The following KLF9 variants were observed in gnomAD, a reference collection of about 807,000 sequenced individuals.
KLF9 encodes Krueppel-like factor 9.
A neutral mutation model predicts 17.3 loss-of-function variants in KLF9; 2 were observed. The observed-to-expected ratio is 0.12, with a 90% CI of 0.05 to 0.36. KLF9 has a LOEUF of 0.36. Among genes scored for constraint, KLF9 ranks in the 10% least tolerant of loss-of-function variants. The pLI, the probability that KLF9 is intolerant of heterozygous loss-of-function variation, is 1.00. For missense variants in KLF9, 226 were observed against 333.2 expected, an observed-to-expected ratio of 0.68 and a Z score of 2.51; for synonymous variants, 138 against 139.2, an observed-to-expected ratio of 0.99 and a Z score of 0.06.
chr9:70,408,462 C>A (rs1587743059), intron 1 of KLF9, among the ~76,000 whole-genome samples: 1 of 152,228 alleles, frequency 6.6e-6, no homozygotes, highest in Middle Eastern at 3.4e-3. Context: ...GAGAATGTGT[C>A]CCTAAGGATC....
At chr9:70,394,478 A>G (rs73649112) in intron 1 of KLF9, among the ~76,000 whole-genome samples, 3,678 of 152,280 alleles carry the variant, frequency 0.024, 127 homozygotes, top group African/African-American at 0.084. Flanking sequence ...CAAGGTCAAC[A>G]GTAAAATAAA....
chr9:70,398,016 A>G (rs979636849), intron 1 of KLF9, among the ~76,000 whole-genome samples: 1 of 152,234 alleles, frequency 6.6e-6, no homozygotes, highest in Non-Finnish European at 1.5e-5. Context: ...CACTGAACTC[A>G]AAAATCATTC....
intron 1 of KLF9, among the ~76,000 whole-genome samples, chr9:70,402,765 A>C (rs2037230617): frequency 6.6e-6 from 1 of 152,176 alleles, no homozygotes; most frequent in Non-Finnish European, 1.5e-5. Flanking sequence ...TCCCACCAAA[A>C]GGAAGAAAAA....
At chr9:70,396,432 G>A (rs2037182152) in intron 1 of KLF9, among the ~76,000 whole-genome samples, 2 of 152,136 alleles carry the variant, frequency 1.3e-5, no homozygotes, top group Admixed American at 1.3e-4. Context: ...TAACTGAGAA[G>A]AACAATGTAT....
chr9:70,408,978 T>G, intron 1 of KLF9, among the ~76,000 whole-genome samples: 1 of 128,608 alleles, frequency 7.8e-6, no homozygotes. Context: ...TGAGCCTCCT[T>G]TTGCACTATA....
At chr9:70,398,489 A>AT (rs397969034) in intron 1 of KLF9, among the ~76,000 whole-genome samples, 4,361 of 143,354 alleles carry the variant, frequency 0.03, 175 homozygotes, top group African/African-American at 0.097. Flanking sequence ...AGATAACAGA[A>AT]TTTTTTTTTT....
In KLF9 at chr9:70,386,551, T is replaced by A. The variant is rs1025200909; in HGVS notation, c.*1225A>T. On this transcript the variant is annotated 3_prime_UTR_variant, in exon 2 of 2. Transcript: ENST00000377126. Reference sequence around the variant, plus strand: ...AGCTCCCTTTCCTTCTACATAACTCTTGCACCTGAGAGTGGGAGTTTTGTA... The same window carrying A: ...AGCTCCCTTTCCTTCTACATAACTCATGCACCTGAGAGTGGGAGTTTTGTA... 1.3e-5 allele frequency: 2 copies of A among 152,630 alleles called. No homozygotes were observed. Among genetic ancestry groups the A allele is most frequent in the Non-Finnish European group, 2.9e-5 (2 of 68,046 alleles). The allele number at this position is 152,630 out of a possible 1,614,324, so 9.5% of individuals were successfully genotyped here. A position where few individuals can be genotyped will look rare whatever the true frequency, so the allele number is the denominator to read the frequency against.
At position 70,413,420 on chromosome 9, in the gene KLF9, T is replaced by A; in HGVS notation, c.-57A>T. 1 of 1,442,114 alleles carries A rather than the reference T, an allele frequency of 6.9e-7. No individual in the cohort carries two copies. Among genetic ancestry groups the A allele is most frequent in the Non-Finnish European group, 9.1e-7 (1 of 1,100,726 alleles). 89.3% of individuals were successfully genotyped at this position (1,442,114 alleles called of 1,614,324 possible). A position where few individuals can be genotyped will look rare whatever the true frequency, so the allele number is the denominator to read the frequency against. ...ACAAACTTGGCGGTGGCTGCGGAGG[T>A]TCGGCTCGCCCTGCCCTGGCCTCGG... On this transcript the variant is annotated 5_prime_UTR_variant, in exon 1 of 2. Transcript: ENST00000377126. This position sits in a 1 kb window ranked among gnomAD's most constrained non-coding sequence, Gnocchi z 5.6.
intron 1 of KLF9, among the ~76,000 whole-genome samples, chr9:70,405,320 C>G (rs916985522): frequency 1.3e-5 from 2 of 152,216 alleles, no homozygotes; most frequent in Non-Finnish European, 2.9e-5. Flanking sequence ...CATAACACCA[C>G]TGACTGCATT....
chr9:70,393,297 C>T lies in KLF9; in HGVS notation c.506-5292G>A, dbSNP rs142332720. On this transcript the variant is annotated intron_variant, in intron 1 of 1. Transcript: ENST00000377126. Reference sequence around the variant, plus strand: ...CTTGCTGCTTTTGAGAGGGAGCCTCCTCGACTGCTGATTAGTTGATGATGC... The same window carrying T: ...CTTGCTGCTTTTGAGAGGGAGCCTCTTCGACTGCTGATTAGTTGATGATGC... 5.9e-4 allele frequency among the ~76,000 whole-genome samples: 90 copies of T among 152,310 alleles called. No individual in the cohort carries two copies. The East Asian group carries it at 0.016, about 27-fold the overall frequency.
At chr9:70,398,516 T>C (rs1276634656) in intron 1 of KLF9, among the ~76,000 whole-genome samples, 1 of 147,550 alleles carries the variant, frequency 6.8e-6, no homozygotes, top group East Asian at 2.0e-4. Context: ...TGAGATGGAG[T>C]CTTGCTCTGT....
At chr9:70,397,860 CAGG>C (rs994834112) in intron 1 of KLF9, among the ~76,000 whole-genome samples, 13 of 152,170 alleles carry the variant, frequency 8.5e-5, no homozygotes, top group African/African-American at 3.1e-4. Context: ...TGTCAACATG[CAGG>C]TACGAAACAT....
Position 70,414,470 on chromosome 9 carries a change from A to G in KLF9, c.-1107T>C, listed in dbSNP as rs2037365126. On this transcript the variant is annotated 5_prime_UTR_variant, in exon 1 of 2. Transcript: ENST00000377126. ...CAATCACAAGGGCGTTCCGAAAGCA[A>G]GCGCTCGACACTTGTAAACGCGAAG... The G allele has an allele frequency of 6.6e-6, 1 of 152,236 alleles. No homozygotes were observed. Among genetic ancestry groups the G allele is most frequent in the African/African-American group, 2.4e-5 (1 of 41,454 alleles). 9.4% of individuals were successfully genotyped at this position (152,236 alleles called of 1,614,324 possible).
chr9:70,389,782 C>T (rs1229595235), intron 1 of KLF9, among the ~76,000 whole-genome samples: 1 of 152,186 alleles, frequency 6.6e-6, no homozygotes, highest in Non-Finnish European at 1.5e-5. Flanking sequence ...CTGCCATCGC[C>T]CTGGCTCCCA....
chr9:70,413,045 G>T lies in KLF9; in HGVS notation c.319C>A (p.Pro107Thr). The T allele has an allele frequency of 6.2e-7, 1 of 1,614,112 alleles. No individual in the cohort carries two copies. Among genetic ancestry groups the T allele is most frequent in the Non-Finnish European group, 8.5e-7 (1 of 1,179,970 alleles). ...SDVTTESGSS[P>T]SHSPEERQDP... ...TGTCTCTCCTCCGGGCTGTGGGAAG[G>T]ACTCGACCCAGATTCGGTGGTCACG... Residue 107 changes from proline (P) to threonine (T), a missense_variant, in exon 1 of 2, where the codon CCT (proline) becomes ACT (threonine). Coordinates refer to ENST00000377126, the MANE Select transcript of KLF9 (RefSeq NM_001206.4). The surrounding 1 kb of genome is among the most constrained non-coding windows in gnomAD (Gnocchi z 5.6).
intron 1 of KLF9, among the ~76,000 whole-genome samples, chr9:70,396,300 G>A (rs1245877599): frequency 6.6e-6 from 1 of 152,176 alleles, no homozygotes; most frequent in Non-Finnish European, 1.5e-5. Flanking sequence ...TAACTTAAAT[G>A]CTCAAAAATA....
chr9:70,398,221 C>T (rs1218014521), intron 1 of KLF9, among the ~76,000 whole-genome samples: 1 of 152,150 alleles, frequency 6.6e-6, no homozygotes, highest in Non-Finnish European at 1.5e-5. Flanking sequence ...GTTGATACAA[C>T]AGAGACAGTG....
intron 1 of KLF9, among the ~76,000 whole-genome samples, chr9:70,401,686 CAAAA>C (rs34988097): frequency 1.5e-5 from 1 of 66,510 alleles, no homozygotes; most frequent in African/African-American, 5.3e-5. Flanking sequence ...GACTCCTTCA[CAAAA>C]AAAAAAAAAA....
At chr9:70,396,779 C>A (rs1237283195) in intron 1 of KLF9, among the ~76,000 whole-genome samples, 1 of 152,034 alleles carries the variant, frequency 6.6e-6, no homozygotes, top group Admixed American at 6.6e-5. Flanking sequence ...GTATAAATTT[C>A]TTTTATGAGA....
Sources: allele counts gnomAD v4.1 joint callset (sites outside exome capture counted in the v4.1 genomes callset), GRCh38; gene constraint gnomAD v4.1.1; non-coding constraint Gnocchi (gnomAD v3.1); transcripts MANE v1.5; gene names NCBI Gene and HGNC (gene_info 2026-07-23, HGNC 2026-07-21).